FAM83C: variants seen among roughly 807,000 people sequenced by gnomAD.
FAM83C encodes scaffolding CK1 anchoring protein C.
FAM83C carries 23 observed loss-of-function variants against 27.1 expected under a neutral mutation model. That is an observed-to-expected ratio of 0.85 (90% CI 0.61 to 1.20). The LOEUF (loss-of-function observed/expected upper bound fraction) is 1.20. Among genes scored for constraint, FAM83C ranks in the 50% most tolerant of loss-of-function variants. The pLI, the probability that FAM83C is intolerant of heterozygous loss-of-function variation, is 0.00. For missense variants in FAM83C, 984 were observed against 1,001.3 expected, an observed-to-expected ratio of 0.98 and a Z score of 0.23; for synonymous variants, 426 against 423.1, an observed-to-expected ratio of 1.01 and a Z score of -0.09.
chr20:35,287,423 G>A lies in FAM83C; in HGVS notation c.1356C>T (p.Leu452=). The change falls in exon 4 of 4, where the codon CTC becomes CTT. Residue 452 remains leucine, a synonymous_variant. Transcript: ENST00000374408. The part of the protein sequence containing the change: ...GSPLLPRSRP[L]LQFHRGAPAL... ...CTGGGGCACCCCGATGGAACTGGAG[G>A]AGGGGCCGGGAGCGAGGAAGCAGAG... 1.2e-6 allele frequency: 2 copies of A among 1,614,136 alleles called. No homozygotes were observed. The highest frequency in any genetic ancestry group is 1.7e-6 in the Non-Finnish European group (2 of 1,180,006).
Position 35,288,546 on chromosome 20 carries a change from T to C in FAM83C, c.721A>G (p.Ser241Gly), listed in dbSNP as rs907591980. 2 of 1,614,086 alleles carry C rather than the reference T, an allele frequency of 1.2e-6. No individual in the cohort carries two copies. Among genetic ancestry groups the C allele is most frequent in the Non-Finnish European group, 1.7e-6 (2 of 1,180,026 alleles). The change falls in exon 3 of 4, where the codon AGC (serine) becomes GGC (glycine). Residue 241 changes from serine to glycine, a missense_variant. Physicochemically the swap from Ser to Gly is moderately conservative, Grantham distance 56. Coordinates refer to ENST00000374408, the MANE Select transcript of FAM83C (RefSeq NM_178468.6). The part of the protein sequence containing the change: ...VRSTCGDTYC[S>G]KAGRRFTGQA... ...CCCGTGAAGCGGCGGCCAGCCTTGCTGCAGTATGTGTCCCCACACGTGCTC... is the reference window on the plus strand; with the variant it reads ...CCCGTGAAGCGGCGGCCAGCCTTGCCGCAGTATGTGTCCCCACACGTGCTC...
chr20:35,289,822 G>A (rs765984717), intron 1 of FAM83C, among the ~76,000 whole-genome samples: 1 of 152,100 alleles, frequency 6.6e-6, no homozygotes, highest in Non-Finnish European at 1.5e-5. Context: ...GCATCCTTCT[G>A]TGCACCGAGT....
In FAM83C at chr20:35,288,898, C is replaced by A; in HGVS notation, c.574G>T (p.Ala192Ser). The A allele has an allele frequency of 6.2e-7, 1 of 1,614,144 alleles. No homozygotes were observed. The highest frequency in any genetic ancestry group is 1.3e-5 in the African/African-American group (1 of 75,038). ...ACAGGGACACCACGCCGGCTTGAGG[C>A]CTCCATGAGGTCACACAGAAGCTCC... is the stretch of plus-strand genomic sequence containing the variant. Reference protein sequence around the residue: ...DMELLCDLMEASSRRGVPVYL... With the variant: ...DMELLCDLMESSSRRGVPVYL... Residue 192 changes from alanine to serine, a missense_variant, in exon 2 of 4, where the codon GCC (alanine) becomes TCC (serine). Coordinates refer to ENST00000374408, the MANE Select transcript of FAM83C (RefSeq NM_178468.6).
chr20:35,292,113 G>T lies in FAM83C; in HGVS notation c.192C>A (p.Ile64=), dbSNP rs756434301. ...ERGEAAYLRV[I]SEERELPFLS... is the part of the protein sequence containing the mutation. ...GGAAGGGCAGCTCCCGCTCCTCGGA[G>T]ATGACCCGCAGGTAGGCAGCCTCAC... Residue 64 remains isoleucine (I), a synonymous_variant, in exon 1 of 4, where the codon ATC becomes ATA. Coordinates refer to ENST00000374408, the MANE Select transcript of FAM83C (RefSeq NM_178468.6). 3 of 1,604,294 alleles carry T rather than the reference G, an allele frequency of 1.9e-6. No individual in the cohort carries two copies. Among genetic ancestry groups the T allele is most frequent in the Non-Finnish European group, 2.5e-6 (3 of 1,179,838 alleles).
At position 35,292,314 on chromosome 20, in the gene FAM83C, G is replaced by A. The variant is rs556574403; in HGVS notation, c.-10C>T. On this transcript the variant is annotated 5_prime_UTR_variant, in exon 1 of 4. Coordinates refer to ENST00000374408, the MANE Select transcript of FAM83C (RefSeq NM_178468.6). ...CCGGGCCTCCGAACATGCCTGCCAC[G>A]CGGCTGCCTCACCCGCCGGCAGGGC... 1.1e-4 allele frequency: 161 copies of A among 1,475,214 alleles called. No individual in the cohort carries two copies. The East Asian group carries it at 3.9e-3, about 35-fold the overall frequency. The allele number at this position is 1,475,214 out of a possible 1,614,324, so 91.4% of individuals were successfully genotyped here.
intron 1 of FAM83C, among the ~76,000 whole-genome samples, chr20:35,291,009 C>T (rs1245475179): frequency 2.0e-5 from 3 of 152,200 alleles, no homozygotes; most frequent in Admixed American, 6.5e-5. Context: ...AAGCTGTGCT[C>T]GTGTGTGGCC....
In FAM83C at chr20:35,286,722, T is replaced by A. The variant is rs2060827229; in HGVS notation, c.2057A>T (p.Tyr686Phe). ...GHSKLDLITKYHQLHGARQGT... is the reference protein window; with the variant it reads ...GHSKLDLITKFHQLHGARQGT... ...CTGCCTGGCCCCGTGCAACTGATGA[T>A]ACTTGGTGATGAGGTCCAGCTTGCT... is the stretch of plus-strand genomic sequence containing the variant. Residue 686 changes from tyrosine (Y) to phenylalanine (F), a missense_variant, in exon 4 of 4, where the codon TAT (tyrosine) becomes TTT (phenylalanine). Tyr to Phe is a conservative substitution (Grantham distance 22). Coordinates refer to ENST00000374408, the MANE Select transcript of FAM83C (RefSeq NM_178468.6). 1 of 1,613,990 alleles carries A rather than the reference T, an allele frequency of 6.2e-7. No homozygotes were observed. Among genetic ancestry groups the A allele is most frequent in the African/African-American group, 1.3e-5 (1 of 74,882 alleles).
chr20:35,292,206 C>T lies in FAM83C; in HGVS notation c.99G>A (p.Glu33=), dbSNP rs1299913069. 3 of 1,592,550 alleles carry T rather than the reference C, an allele frequency of 1.9e-6. No homozygotes were observed. In the Admixed American group the frequency reaches 5.0e-5, roughly 27 times the overall value. The change falls in exon 1 of 4, where the codon GAG becomes GAA. Residue 33 remains glutamate (E), a synonymous_variant. Coordinates refer to ENST00000374408, the MANE Select transcript of FAM83C (RefSeq NM_178468.6). ...TGTGCCGCAGCACCAGCGGTGAGCT[C>T]TCCCGCCACCACGGCAGCTTCAGCT... ...VEELKLPWWR[E]SSPLVLRHSE... is the part of the protein sequence containing the mutation.
At position 35,288,619 on chromosome 20, in the gene FAM83C, G is replaced by T. The variant is rs112984552; in HGVS notation, c.682-34C>A. ...AAGTAGGTTGGGGGTGACCTTGAGA[G>T]AGTGAGGCTCAAGCCATGTCTCTGC... On this transcript the variant is annotated intron_variant, in intron 2 of 3. Coordinates refer to ENST00000374408, the MANE Select transcript of FAM83C (RefSeq NM_178468.6). 831 of 1,611,754 alleles carry T rather than the reference G, an allele frequency of 5.2e-4. No homozygotes were observed. In the African/African-American group the frequency reaches 8.2e-3, roughly 16 times the overall value.
Position 35,287,204 on chromosome 20 carries a change from A to T in FAM83C, c.1575T>A (p.Ser525=). Residue 525 remains serine (S), a synonymous_variant, in exon 4 of 4, where the codon TCT becomes TCA. Transcript: ENST00000374408. The stretch of plus-strand genomic sequence containing the variant: ...GGGGGCCTGAGTTGGGGGTAACCCC[A>T]GAGTCAGGGTCTCCCACTTCTCGGG... ...PRAREVGDPD[S]GVTPNSGPLR... is the part of the protein sequence containing the mutation. The T allele has an allele frequency of 3.1e-6, 5 of 1,611,594 alleles. No homozygotes were observed. The highest frequency in any genetic ancestry group is 4.2e-6 in the Non-Finnish European group (5 of 1,179,926).
At position 35,291,268 on chromosome 20, in the gene FAM83C, G is replaced by T. The variant is rs117431026; in HGVS notation, c.513+524C>A. 3.0e-3 allele frequency among the ~76,000 whole-genome samples: 455 copies of T among 152,302 alleles called. 2 individuals are homozygous for T. Among genetic ancestry groups the T allele is most frequent in the Middle Eastern group, 0.024 (7 of 294 alleles). ...CTGAGCCAGCAAGGAGGGCCGGACT[G>T]GTCCCCAGGACCCAAGTCAGAGAGC... On this transcript the variant is annotated intron_variant, in intron 1 of 3. Coordinates refer to ENST00000374408, the MANE Select transcript of FAM83C (RefSeq NM_178468.6).
At position 35,286,450 on chromosome 20, in the gene FAM83C, G is replaced by T; in HGVS notation, c.*85C>A. On this transcript the variant is annotated 3_prime_UTR_variant, in exon 4 of 4. Transcript: ENST00000374408. ...GGTTTCTAGACACCTCCCTTCCCCA[G>T]TCTGGGACCTGAGCAAGTCCAGAGT... The T allele has an allele frequency of 7.2e-7, 1 of 1,393,370 alleles. No individual in the cohort carries two copies. The highest frequency in any genetic ancestry group is 9.6e-7 in the Non-Finnish European group (1 of 1,040,406). The allele number at this position is 1,393,370 out of a possible 1,614,324, so 86.3% of individuals were successfully genotyped here. A position where few individuals can be genotyped will look rare whatever the true frequency, so the allele number is the denominator to read the frequency against.
Position 35,288,920 on chromosome 20 carries a change from C to T in FAM83C, c.552G>A (p.Glu184=). ...AGGCCTCCATGAGGTCACACAGAAG[C>T]TCCATGTCAGTGAATATGTCCATCA... The part of the protein sequence containing the change: ...AVVMDIFTDM[E]LLCDLMEASS... Residue 184 remains glutamate, a synonymous_variant, in exon 2 of 4, where the codon GAG becomes GAA. Coordinates refer to ENST00000374408, the MANE Select transcript of FAM83C (RefSeq NM_178468.6). 1 of 1,614,082 alleles carries T rather than the reference C, an allele frequency of 6.2e-7. No homozygotes were observed. Among genetic ancestry groups the T allele is most frequent in the Non-Finnish European group, 8.5e-7 (1 of 1,180,004 alleles).
In FAM83C at chr20:35,292,161, C is replaced by T. The variant is rs755167495; in HGVS notation, c.144G>A (p.Ala48=). The T allele has an allele frequency of 2.7e-5, 43 of 1,597,562 alleles. No homozygotes were observed. In the East Asian group the frequency reaches 3.8e-4, roughly 14 times the overall value. ...CACCCCGCTCCAGGAGGGCGTCGGCCGCCAGCCGAGCCGCCTCGCTGTGCC... is the reference window on the plus strand; with the variant it reads ...CACCCCGCTCCAGGAGGGCGTCGGCTGCCAGCCGAGCCGCCTCGCTGTGCC... The part of the protein sequence containing the change: ...VLRHSEAARL[A]ADALLERGEA... The change falls in exon 1 of 4, where the codon GCG becomes GCA. Residue 48 remains alanine (A), a synonymous_variant. Transcript: ENST00000374408.
rs202012703 is a variant in FAM83C at position 35,291,781 on chromosome 20, G to A, written c.513+11C>T. ...TCTGTGAGATGAGTGATGGAGAGAT[G>A]AGGCCCTTACCGTGTGGGCCTGGCT... On this transcript the variant is annotated intron_variant, in intron 1 of 3. Transcript: ENST00000374408. 9.5e-5 allele frequency: 153 copies of A among 1,613,704 alleles called. 1 individual carries two copies. The highest frequency in any genetic ancestry group is 3.4e-4 in the South Asian group (31 of 91,054).
Position 35,286,294 on chromosome 20 carries a change from G to C in FAM83C, c.*241C>G. 1 of 508,166 alleles carries C rather than the reference G, an allele frequency of 2.0e-6. No individual in the cohort carries two copies. The highest frequency in any genetic ancestry group is 2.6e-5 in the South Asian group (1 of 39,144). The allele number at this position is 508,166 out of a possible 1,614,324, so 31.5% of individuals were successfully genotyped here. ...AGGTCTGAGTGTGACCCACCTGTCA[G>C]CTCTACAGGCCCAGCACAGGGCTGG... On this transcript the variant is annotated 3_prime_UTR_variant, in exon 4 of 4. Transcript: ENST00000374408.
Position 35,287,753 on chromosome 20 carries a change from C to G in FAM83C, c.1026G>C (p.Leu342=). Residue 342 remains leucine, a synonymous_variant, in exon 4 of 4, where the codon CTG becomes CTC. Transcript: ENST00000374408. ...TGCTGCTGAGGCTGGTGCTGGAGGGCAGGGACGACGTGGGGCTTGGGACAT... is the reference window on the plus strand; with the variant it reads ...TGCTGCTGAGGCTGGTGCTGGAGGGGAGGGACGACGTGGGGCTTGGGACAT... ...RPDVPSPTSS[L]PSSTSLSSIK... 26 of 1,613,546 alleles carry G rather than the reference C, an allele frequency of 1.6e-5. No individual in the cohort carries two copies. Among genetic ancestry groups the G allele is most frequent in the Non-Finnish European group, 2.1e-5 (25 of 1,179,732 alleles).
Position 35,287,025 on chromosome 20 carries a change from A to G in FAM83C, c.1754T>C (p.Leu585Pro). 6.2e-7 allele frequency: 1 copy of G among 1,606,910 alleles called. No homozygotes were observed. Among genetic ancestry groups the G allele is most frequent in the Non-Finnish European group, 8.5e-7 (1 of 1,179,990 alleles). Residue 585 changes from leucine to proline, a missense_variant, in exon 4 of 4, where the codon CTG (leucine) becomes CCG (proline). Leu to Pro is a moderately conservative substitution (Grantham distance 98). Transcript: ENST00000374408. Reference sequence around the variant, plus strand: ...TTGGCCACGGCTTTGGTTTAGGGACAGCCTCCTGTCCTCCAGGGCCCGATC... The same window carrying G: ...TTGGCCACGGCTTTGGTTTAGGGACGGCCTCCTGTCCTCCAGGGCCCGATC... ...PGDRALEDRR[L>P]SLNQSRGQSD...
rs1006966480 is a variant in FAM83C at position 35,288,792 on chromosome 20, G to A, written c.680C>T (p.Pro227Leu). Reference sequence around the variant, plus strand: ...TTACTGCCCCTGGTCCTCACTGACCGGCAGGTGCTCCCCATTGAGGTCCAT... The same window carrying A: ...TTACTGCCCCTGGTCCTCACTGACCAGCAGGTGCTCCCCATTGAGGTCCAT... ...YKMDLNGEHL[P>L]NMRVRSTCGD... is the part of the protein sequence containing the mutation. The change falls in exon 2 of 4, where the codon CCG becomes CTG. Residue 227 changes from proline (P) to leucine (L), a missense_variant and splice_region_variant. Physicochemically the swap from Pro to Leu is moderately conservative, Grantham distance 98 (BLOSUM62 -3). Coordinates refer to ENST00000374408, the MANE Select transcript of FAM83C (RefSeq NM_178468.6). The A allele has an allele frequency of 8.9e-6, 14 of 1,574,822 alleles. No homozygotes were observed. The highest frequency in any genetic ancestry group is 2.7e-5 in the African/African-American group (2 of 73,186).
Sources: allele counts gnomAD v4.1 joint callset (sites outside exome capture counted in the v4.1 genomes callset), GRCh38; gene constraint gnomAD v4.1.1; transcripts MANE v1.5; gene names NCBI Gene and HGNC (gene_info 2026-07-23, HGNC 2026-07-21).